PXDNL: variants seen among roughly 807,000 people sequenced by gnomAD.
PXDNL encodes the protein peroxidasin like.
Under a neutral mutation model 150.8 loss-of-function variants are expected in PXDNL, and 145 were observed. The observed-to-expected ratio is 0.96, with a 90% CI of 0.84 to 1.10. The LOEUF is 1.10. PXDNL is among the 50% of genes least tolerant of loss of function. The probability of loss-of-function intolerance (pLI) is 0.00; values close to 1 mark genes in which losing one functional copy is unlikely to be tolerated. For missense variants in PXDNL, 2,087 were observed against 1,873.9 expected (o/e 1.11, Z -2.10); for synonymous variants, 757 against 725.7 (o/e 1.04, Z -0.69).
Position 51,408,746 on chromosome 8 carries a change from G to A in PXDNL, c.2878C>T (p.Arg960Trp), listed in dbSNP as rs530157445. The change falls in exon 17 of 23, where the codon CGG (arginine) becomes TGG (tryptophan). Residue 960 changes from arginine (R) to tryptophan (W), a missense_variant. Arg to Trp is a moderately radical substitution (Grantham distance 101, BLOSUM62 -3). Transcript: ENST00000356297. Reference sequence around the variant, plus strand: ...GCCAGAGCCAGATGCTCGTTGGCCCGGTGGTCCCCGGCCAGGAAACAGGGG... The same window carrying A: ...GCCAGAGCCAGATGCTCGTTGGCCCAGTGGTCCCCGGCCAGGAAACAGGGG... ...ESPCFLAGDHRANEHLALAAM... is the reference protein window; with the variant it reads ...ESPCFLAGDHWANEHLALAAM... 1.3e-6 allele frequency: 2 copies of A among 1,584,950 alleles called. No individual in the cohort carries two copies. The highest frequency in any genetic ancestry group is 1.3e-5 in the African/African-American group (1 of 74,418).
intron 1 of PXDNL, among the ~76,000 whole-genome samples, chr8:51,740,860 G>A (rs369495028): frequency 2.0e-5 from 3 of 152,226 alleles, no homozygotes; most frequent in East Asian, 1.9e-4. Flanking sequence ...GATTTGGTTT[G>A]CCAGTATTTT....
At chr8:51,739,892 C>G (rs936951854) in intron 1 of PXDNL, among the ~76,000 whole-genome samples, 1 of 104,452 alleles carries the variant, frequency 9.6e-6, no homozygotes, top group African/African-American at 3.4e-5. Flanking sequence ...AAAAAAAAAT[C>G]AATTTTATTT....
intron 1 of PXDNL, among the ~76,000 whole-genome samples, chr8:51,801,834 T>C (rs1201901679): frequency 1.3e-5 from 2 of 152,202 alleles, no homozygotes; most frequent in Non-Finnish European, 2.9e-5. Flanking sequence ...AATGTCTATC[T>C]TTCATTGGGA....
chr8:51,690,122 C>T (rs1252376305), intron 1 of PXDNL, among the ~76,000 whole-genome samples: 1 of 152,152 alleles, frequency 6.6e-6, no homozygotes, highest in East Asian at 1.9e-4. Context: ...TTGTCAATGG[C>T]TGATGAGCTA....
At chr8:51,662,488 G>T (rs1056877743) in intron 1 of PXDNL, among the ~76,000 whole-genome samples, 1 of 152,098 alleles carries the variant, frequency 6.6e-6, no homozygotes, top group African/African-American at 2.4e-5. Context: ...TCTAGCCTGG[G>T]TGAAAGAGTG....
In PXDNL at chr8:51,319,968, G is replaced by T; in HGVS notation, c.4315C>A (p.Pro1439Thr). 1 of 1,579,810 alleles carries T rather than the reference G, an allele frequency of 6.3e-7. No homozygotes were observed. ...EICPPAPCPS[P>T]ELVKGTCCPV... is the part of the protein sequence containing the mutation. ...CAGCAGGTTCCTTTCACCAATTCAG[G>T]ACTGGGACAGGGAGCCGGGGGACAA... Residue 1439 changes from proline (P) to threonine (T), a missense_variant, in exon 23 of 23, where the codon CCT (proline) becomes ACT (threonine). Coordinates refer to ENST00000356297, the MANE Select transcript of PXDNL (RefSeq NM_144651.5).
At chr8:51,607,991 G>GAGGAAGGA (rs1241189802) in intron 2 of PXDNL, among the ~76,000 whole-genome samples, 1 of 103,728 alleles carries the variant, frequency 9.6e-6, no homozygotes, top group South Asian at 3.0e-4. Context: ...GGAAGAGAGA[G>GAGGAAGGA]AGGAAGGAAG....
intron 1 of PXDNL, among the ~76,000 whole-genome samples, chr8:51,741,018 T>C (rs2036902068): frequency 6.6e-6 from 1 of 152,204 alleles, no homozygotes; most frequent in Non-Finnish European, 1.5e-5. Flanking sequence ...CTGTTTCGAA[T>C]AGTTTCAGAA....
intron 3 of PXDNL, among the ~76,000 whole-genome samples, chr8:51,591,323 G>C (rs924351638): frequency 6.6e-6 from 1 of 152,186 alleles, no homozygotes. Flanking sequence ...TAGGCGAGCA[G>C]ATGGAATTGA....
chr8:51,446,675 G>C (rs181512020), intron 12 of PXDNL, among the ~76,000 whole-genome samples: 2 of 152,078 alleles, frequency 1.3e-5, no homozygotes, highest in African/African-American at 2.4e-5. Context: ...GATTCAGCAC[G>C]TCAGGCCGAG....
At chr8:51,651,749 G>T (rs991519057) in intron 2 of PXDNL, among the ~76,000 whole-genome samples, 2 of 152,082 alleles carry the variant, frequency 1.3e-5, no homozygotes, top group Non-Finnish European at 2.9e-5. Flanking sequence ...AAGCATGACT[G>T]TGTTGTCCAG....
At position 51,486,134 on chromosome 8, in the gene PXDNL, C is replaced by T. The variant is rs79592796; in HGVS notation, c.453-2420G>A. ...AACGTATTTTAGAGGCTGGAAATTG[C>T]ATCCATGATTGAATATTGAAAGATA... On this transcript the variant is annotated intron_variant, in intron 5 of 22. Coordinates refer to ENST00000356297, the MANE Select transcript of PXDNL (RefSeq NM_144651.5). Among the ~76,000 whole-genome samples the T allele has an allele frequency of 5.2e-3, 798 of 152,224 alleles. 4 individuals are homozygous for T. Among genetic ancestry groups the T allele is most frequent in the South Asian group, 9.8e-3 (47 of 4,820 alleles).
chr8:51,329,825 A>T (rs551494018), intron 21 of PXDNL, among the ~76,000 whole-genome samples: 19 of 152,362 alleles, frequency 1.2e-4, no homozygotes, highest in African/African-American at 4.6e-4. Flanking sequence ...AGACGTGAAT[A>T]TAAAGAGATT....
intron 1 of PXDNL, among the ~76,000 whole-genome samples, chr8:51,792,794 G>T (rs1374586660): frequency 6.6e-6 from 1 of 152,174 alleles, no homozygotes; most frequent in Admixed American, 6.5e-5. Context: ...TGGAGTTTCC[G>T]CAACTCCAGC....
At chr8:51,468,456 T>C (rs1810251248) in intron 8 of PXDNL, among the ~76,000 whole-genome samples, 1 of 151,462 alleles carries the variant, frequency 6.6e-6, no homozygotes, top group African/African-American at 2.4e-5. Context: ...GATATATTTG[T>C]TTACCTATCG....
chr8:51,462,665 C>T (rs1161542703), intron 8 of PXDNL, among the ~76,000 whole-genome samples: 1 of 152,058 alleles, frequency 6.6e-6, no homozygotes, highest in Non-Finnish European at 1.5e-5. Context: ...GAGACCAAAC[C>T]TACAATTCAT....
At chr8:51,802,911 C>T (rs754992105) in intron 1 of PXDNL, among the ~76,000 whole-genome samples, 23 of 152,184 alleles carry the variant, frequency 1.5e-4, no homozygotes, top group Non-Finnish European at 1.2e-4. Context: ...CCTACATCAA[C>T]TTGAGTAAAG....
At chr8:51,802,319 C>T (rs2129264250) in intron 1 of PXDNL, among the ~76,000 whole-genome samples, 1 of 152,244 alleles carries the variant, frequency 6.6e-6, no homozygotes, top group South Asian at 2.1e-4. Context: ...AGCAAAACAA[C>T]ATGGATTTTA....
chr8:51,374,259 C>A (rs1487437915), intron 18 of PXDNL, among the ~76,000 whole-genome samples: 1 of 152,134 alleles, frequency 6.6e-6, no homozygotes, highest in Non-Finnish European at 1.5e-5. Flanking sequence ...GATGAGGAAC[C>A]TGGTTCTGAG....
Sources: allele counts gnomAD v4.1 joint callset (sites outside exome capture counted in the v4.1 genomes callset), GRCh38; gene constraint gnomAD v4.1.1; transcripts MANE v1.5; gene names NCBI Gene and HGNC (gene_info 2026-07-23, HGNC 2026-07-21).